Variants in DRC9 observed in about 807,000 individuals in gnomAD.
The protein encoded by DRC9 is dynein regulatory complex subunit 9.
the DRC9 span, among the ~76,000 whole-genome samples, chr3:197,925,082 C>T: frequency 1.3e-5 from 2 of 152,058 alleles, no homozygotes; most frequent in South Asian, 4.1e-4. Flanking sequence ...TCATAATGTG[C>T]TGAATGTCTT....
At chr3:197,898,758 A>G in the DRC9 span, among the ~76,000 whole-genome samples, 2 of 152,140 alleles carry the variant, frequency 1.3e-5, no homozygotes, top group South Asian at 2.1e-4. Context: ...AGGGAAACCA[A>G]CCCATGATTC....
the DRC9 span, chr3:197,959,969 C>T: frequency 1.8e-6 from 1 of 542,100 alleles, no homozygotes. Flanking sequence ...CCTCAAGACA[C>T]CCACATACGG....
the DRC9 span, chr3:197,955,902 T>C: frequency 1.3e-6 from 1 of 786,402 alleles, no homozygotes; most frequent in Non-Finnish European, 2.2e-6. Flanking sequence ...ATTTTTGGAG[T>C]ACAAGGGGGT....
the DRC9 span, chr3:197,912,401 T>A: frequency 1.0e-4 from 28 of 280,634 alleles, 1 homozygote; most frequent in African/African-American, 5.1e-4. Context: ...AGTCATAATT[T>A]GAAAATTATG....
the DRC9 span, among the ~76,000 whole-genome samples, chr3:197,900,661 A>T: frequency 6.6e-6 from 1 of 151,746 alleles, no homozygotes; most frequent in South Asian, 2.1e-4. This position sits in a 1 kb window ranked among gnomAD's most constrained non-coding sequence, Gnocchi z 4.7. Flanking sequence ...GGCAGAGGAT[A>T]CCAGCTCAGC....
chr3:197,904,085 TAC>T, the DRC9 span, among the ~76,000 whole-genome samples: 2 of 62,384 alleles, frequency 3.2e-5, no homozygotes, highest in African/African-American at 1.8e-4. Flanking sequence ...TATATATACA[TAC>T]ATATATATAT....
chr3:197,955,785 A>G, the DRC9 span: 6 of 1,595,976 alleles, frequency 3.8e-6, no homozygotes, highest in African/African-American at 2.7e-5. Context: ...CTAACGAAAA[A>G]TCAATAAATA....
chr3:197,944,254 CTT>C, the DRC9 span, among the ~76,000 whole-genome samples: 3 of 144,076 alleles, frequency 2.1e-5, no homozygotes, highest in Non-Finnish European at 3.0e-5. Flanking sequence ...ACAACTTACT[CTT>C]TTTTTTTTTT....
the DRC9 span, chr3:197,906,448 T>TTC: frequency 6.6e-6 from 1 of 152,030 alleles, no homozygotes; most frequent in African/African-American, 2.4e-5. Flanking sequence ...TTTTTTTTTT[T>TTC]TCCCTAATTG....
chr3:197,950,613 C>A, the DRC9 span: 1 of 419,824 alleles, frequency 2.4e-6, no homozygotes, highest in Non-Finnish European at 4.3e-6. Flanking sequence ...GTGTGTTTCT[C>A]TTTAAGGCTT....
chr3:197,900,277 A>C, the DRC9 span, among the ~76,000 whole-genome samples: 8 of 152,184 alleles, frequency 5.3e-5, no homozygotes, highest in Non-Finnish European at 1.2e-4. This position sits in a 1 kb window ranked among gnomAD's most constrained non-coding sequence, Gnocchi z 4.7. Context: ...ACCTAGTGAG[A>C]CACCAGCCAT....
chr3:197,933,508 G>A, the DRC9 span, among the ~76,000 whole-genome samples: 2 of 152,122 alleles, frequency 1.3e-5, no homozygotes, highest in Non-Finnish European at 2.9e-5. Flanking sequence ...TTTTTTAAAT[G>A]ATTTAACTTT....
chr3:197,903,408 A>G, the DRC9 span, among the ~76,000 whole-genome samples: 1 of 152,164 alleles, frequency 6.6e-6, no homozygotes, highest in Non-Finnish European at 1.5e-5. Flanking sequence ...GCACTATGGG[A>G]GGCTGAGGCA....
chr3:197,896,062 G>C, the DRC9 span, among the ~76,000 whole-genome samples: 3 of 149,628 alleles, frequency 2.0e-5, no homozygotes, highest in Admixed American at 6.6e-5. Context: ...AAAAAAAAAG[G>C]CTGGGCGCAG....
the DRC9 span, chr3:197,956,582 T>C: frequency 6.6e-6 from 1 of 151,194 alleles, no homozygotes; most frequent in Non-Finnish European, 1.5e-5. Flanking sequence ...TTCTTGGGGA[T>C]ATGCTAAAAT....
At chr3:197,955,983 A>G in the DRC9 span, 5 of 562,092 alleles carry the variant, frequency 8.9e-6, no homozygotes, top group African/African-American at 7.6e-5. Flanking sequence ...TAATGCGAGT[A>G]TCTTTGACAG....
At chr3:197,890,994 T>G in the DRC9 span, among the ~76,000 whole-genome samples, 1 of 152,176 alleles carries the variant, frequency 6.6e-6, no homozygotes, top group Non-Finnish European at 1.5e-5. Flanking sequence ...GACACACAAG[T>G]TCACATAAAA....
At chr3:197,912,775 C>T in the DRC9 span, 6 of 1,579,772 alleles carry the variant, frequency 3.8e-6, no homozygotes, top group Non-Finnish European at 5.2e-6. Flanking sequence ...GATACCAGTA[C>T]GTCTTCCCCG....
chr3:197,935,285 A>C, the DRC9 span, among the ~76,000 whole-genome samples: 2 of 152,076 alleles, frequency 1.3e-5, no homozygotes, highest in East Asian at 3.9e-4. Context: ...TACTAAAAAT[A>C]CAAAATTAAC....
Sources: allele counts gnomAD v4.1 joint callset (sites outside exome capture counted in the v4.1 genomes callset), GRCh38; gene constraint gnomAD v4.1.1; non-coding constraint Gnocchi (gnomAD v3.1); transcripts MANE v1.5; gene names NCBI Gene and HGNC (gene_info 2026-07-23, HGNC 2026-07-21).